The following GALNT2 variants were observed in gnomAD, a reference collection of about 807,000 sequenced individuals.
GALNT2 encodes polypeptide N-acetylgalactosaminyltransferase 2.
In GALNT2, 31 loss-of-function variants were observed where a neutral mutation model predicts 81.4. That is an observed-to-expected ratio of 0.38 (90% confidence interval 0.29 to 0.51). GALNT2 has a LOEUF of 0.51. GALNT2 is among the 20% of genes least tolerant of loss of function. The pLI, the probability that GALNT2 is intolerant of heterozygous loss-of-function variation, is 0.87. For synonymous variants in GALNT2, 303 were observed against 287.4 expected, an observed-to-expected ratio of 1.05 and a Z score of -0.55; for missense variants, 629 against 765.7, an observed-to-expected ratio of 0.82 and a Z score of 2.11.
At chr1:230,202,141 G>A (rs6677241) in intron 2 of GALNT2, among the ~76,000 whole-genome samples, 18,296 of 152,024 alleles carry the variant, frequency 0.12, 2,304 homozygotes, top group African/African-American at 0.32. Context: ...TAGCGTATCC[G>A]AGATCATATA....
chr1:230,218,857 G>A (rs111648337), intron 3 of GALNT2, among the ~76,000 whole-genome samples: 2,541 of 152,320 alleles, frequency 0.017, 67 homozygotes, highest in African/African-American at 0.058. Context: ...ACCAGGCCAC[G>A]CAGCAGGACG....
chr1:230,260,377 A>G (rs1361638244), intron 11 of GALNT2, among the ~76,000 whole-genome samples: 1 of 152,226 alleles, frequency 6.6e-6, no homozygotes, highest in Non-Finnish European at 1.5e-5. Context: ...ACTGAGTAGC[A>G]CATGGAGATC....
chr1:230,136,316 T>C (rs1973943), intron 1 of GALNT2, among the ~76,000 whole-genome samples: 82,786 of 152,020 alleles, frequency 0.54, 22,761 homozygotes, highest in African/African-American at 0.61. Context: ...CCCAGATCCC[T>C]GTCAGCACAT....
At chr1:230,151,025 T>C (rs919545627) in intron 1 of GALNT2, among the ~76,000 whole-genome samples, 2 of 152,250 alleles carry the variant, frequency 1.3e-5, no homozygotes, top group Non-Finnish European at 2.9e-5. Flanking sequence ...GTGTGACTTG[T>C]TGAACTCTTT....
intron 11 of GALNT2, among the ~76,000 whole-genome samples, chr1:230,260,559 A>G (rs555279525): frequency 3.3e-5 from 5 of 152,238 alleles, no homozygotes; most frequent in Non-Finnish European, 1.5e-5. Context: ...AACCTAGGAC[A>G]TTCTGGAATC....
intron 2 of GALNT2, among the ~76,000 whole-genome samples, chr1:230,194,537 G>A (rs1482714374): frequency 6.6e-6 from 1 of 152,202 alleles, no homozygotes; most frequent in Non-Finnish European, 1.5e-5. Flanking sequence ...ATGGCTACAG[G>A]GATAAGAAGG....
intron 1 of GALNT2, among the ~76,000 whole-genome samples, chr1:230,074,084 A>G (rs912216671): frequency 8.1e-6 from 1 of 123,328 alleles, no homozygotes; most frequent in Admixed American, 9.4e-5. Context: ...GGCACCATTG[A>G]CATTTTTGGC....
intron 1 of GALNT2, among the ~76,000 whole-genome samples, chr1:230,157,317 G>GA (rs1274706817): frequency 2.0e-5 from 3 of 152,016 alleles, no homozygotes; most frequent in Non-Finnish European, 2.9e-5. Flanking sequence ...GCTTTGGGGG[G>GA]AAAAAAAGCA....
intron 1 of GALNT2, among the ~76,000 whole-genome samples, chr1:230,137,620 C>T (rs1362021837): frequency 6.6e-6 from 1 of 152,236 alleles, no homozygotes; most frequent in Non-Finnish European, 1.5e-5. Flanking sequence ...CCTGATTCCT[C>T]CCCAGTGGAA....
intron 3 of GALNT2, among the ~76,000 whole-genome samples, chr1:230,222,704 A>G (rs1664587410): frequency 6.6e-6 from 1 of 152,046 alleles, no homozygotes; most frequent in Non-Finnish European, 1.5e-5. Flanking sequence ...GGAGGGTTTT[A>G]CTTTGGGCAT....
Position 230,104,818 on chromosome 1 carries a change from A to G in GALNT2, c.126+37412A>G, listed in dbSNP as rs374703687. ...TCATTACTGGTCTTTGCAGGAAGCC[A>G]CTCTGAAGGCACCTGGGCCCTTGCC... On this transcript the variant is annotated intron_variant, in intron 1 of 15. Coordinates refer to ENST00000366672, the MANE Select transcript of GALNT2 (RefSeq NM_004481.5). Among the ~76,000 whole-genome samples, 16 of 152,232 alleles carry G rather than the reference A, an allele frequency of 1.1e-4. No individual in the cohort carries two copies. The South Asian group carries it at 3.1e-3, about 30-fold the overall frequency.
chr1:230,164,193 G>A (rs1273681243), intron 1 of GALNT2, among the ~76,000 whole-genome samples: 1 of 152,204 alleles, frequency 6.6e-6, no homozygotes, highest in Non-Finnish European at 1.5e-5. Flanking sequence ...TGTGAGGGTG[G>A]CATCACTGTT....
chr1:230,115,586 C>T (rs186384782), intron 1 of GALNT2, among the ~76,000 whole-genome samples: 6 of 152,202 alleles, frequency 3.9e-5, no homozygotes, highest in South Asian at 2.1e-4. Flanking sequence ...TCTTTTTGCC[C>T]AGATGTTGAT....
rs573312961 is a variant in GALNT2 at position 230,158,658 on chromosome 1, G to A, written c.127-19560G>A. ...GCCTGGGGCTCTGGCAAAGTGTCTT[G>A]TAAGTGTTCCTGTCATTTCCCTCCA... On this transcript the variant is annotated intron_variant, in intron 1 of 15. Coordinates refer to ENST00000366672, the MANE Select transcript of GALNT2 (RefSeq NM_004481.5). Among the ~76,000 whole-genome samples, 6 of 152,306 alleles carry A rather than the reference G, an allele frequency of 3.9e-5. No individual in the cohort carries two copies. In the South Asian group the frequency reaches 1.2e-3, roughly 32 times the overall value.
chr1:230,101,619 T>G (rs1013566365), intron 1 of GALNT2, among the ~76,000 whole-genome samples: 1 of 152,250 alleles, frequency 6.6e-6, no homozygotes, highest in African/African-American at 2.4e-5. Flanking sequence ...CAGGTCCTGA[T>G]CAGCCAAACT....
chr1:230,184,866 A>G (rs1478988684), intron 2 of GALNT2, among the ~76,000 whole-genome samples: 2 of 152,082 alleles, frequency 1.3e-5, no homozygotes, highest in African/African-American at 2.4e-5. Flanking sequence ...TATTCCCATC[A>G]TGCATATTTA....
intron 6 of GALNT2, among the ~76,000 whole-genome samples, chr1:230,241,255 A>G (rs1471050659): frequency 6.6e-6 from 1 of 151,736 alleles, no homozygotes; most frequent in Non-Finnish European, 1.5e-5. Context: ...GTTTCTTCTC[A>G]TGTGTAGTGG....
At chr1:230,209,275 T>C (rs1315133262) in intron 3 of GALNT2, among the ~76,000 whole-genome samples, 1 of 152,084 alleles carries the variant, frequency 6.6e-6, no homozygotes, top group African/African-American at 2.4e-5. Flanking sequence ...TACGTTGAAG[T>C]CCCAAACCCC....
intron 1 of GALNT2, among the ~76,000 whole-genome samples, chr1:230,156,545 T>A (rs2102841676): frequency 6.6e-6 from 1 of 152,386 alleles, no homozygotes; most frequent in South Asian, 2.1e-4. Flanking sequence ...ATTTTCAACA[T>A]GCTTCCTAGA....
Sources: allele counts gnomAD v4.1 joint callset (sites outside exome capture counted in the v4.1 genomes callset), GRCh38; gene constraint gnomAD v4.1.1; transcripts MANE v1.5; gene names NCBI Gene and HGNC (gene_info 2026-07-23, HGNC 2026-07-21).